The following TAPBPL variants were observed in gnomAD, a reference collection of about 807,000 sequenced individuals.
The protein encoded by TAPBPL is tapasin-related protein.
In TAPBPL, 32 loss-of-function variants were observed where a neutral mutation model predicts 44.8. The observed-to-expected ratio is 0.71, with a 90% CI of 0.54 to 0.96. The LOEUF is 0.96. TAPBPL is among the 40% of genes least tolerant of loss of function. The probability of loss-of-function intolerance (pLI) is 0.00; values close to 1 mark genes in which losing one functional copy is unlikely to be tolerated. For synonymous variants in TAPBPL, 230 were observed against 240.7 expected (o/e 0.96, Z 0.41); for missense variants, 520 against 586.6 (o/e 0.89, Z 1.17).
Position 6,458,762 on chromosome 12 carries a change from G to T in TAPBPL, c.1022G>T (p.Gly341Val). The T allele has an allele frequency of 6.2e-7, 1 of 1,614,130 alleles. No homozygotes were observed. The highest frequency in any genetic ancestry group is 1.1e-5 in the South Asian group (1 of 91,082). ...GTGACGTGGACCCGAGAGGAGCTGG[G>T]TGGATCCCCAGCCCAAGTCTCTGGT... Reference protein sequence around the residue: ...VVVTWTREELGGSPAQVSGAS... With the variant: ...VVVTWTREELVGSPAQVSGAS... Residue 341 changes from glycine (G) to valine (V), a missense_variant, in exon 5 of 7, where the codon GGT becomes GTT. Gly to Val is a moderately radical substitution (Grantham distance 109). Coordinates refer to ENST00000266556, the MANE Select transcript of TAPBPL (RefSeq NM_018009.5).
rs1565514265 is a variant in TAPBPL at position 6,453,284 on chromosome 12, C to G, written c.282C>G (p.Ile94Met). 13 of 1,613,800 alleles carry G rather than the reference C, an allele frequency of 8.1e-6. No individual in the cohort carries two copies. In the Middle Eastern group the frequency reaches 4.9e-4, roughly 61 times the overall value. Residue 94 changes from isoleucine (I) to methionine (M), a missense_variant, in exon 2 of 7, where the codon ATC becomes ATG. By Grantham distance (10) the Ile-to-Met change is conservative. Transcript: ENST00000266556. This position sits in a 1 kb window ranked among gnomAD's most constrained non-coding sequence, Gnocchi z 4.8. ...GTLAQDDPPI[I>M]FEASVDLVQI... ...TGGCCCAAGATGACCCACCTATTAT[C>G]TTTGAGGCCTCAGGTAAAAGCCTTC...
chr12:6,470,383 G>A (rs1041495328), downstream of TAPBPL: 129 of 1,217,164 alleles, frequency 1.1e-4, no homozygotes, highest in African/African-American at 1.2e-3. Context: ...CCTCCCTGGG[G>A]GTGGCCCGGT....
At chr12:6,460,815 T>C in intron 5 of TAPBPL, 40 bp from the exon 6 acceptor site, 1 of 1,605,504 alleles carries the variant, frequency 6.2e-7, no homozygotes, top group Non-Finnish European at 8.5e-7. Context: ...TCATGATTCC[T>C]GCGCACGATG....
In TAPBPL at chr12:6,452,322, G is replaced by C; in HGVS notation, c.64+10G>C. ...GGAGCAGCAGAAACCAGTGAGTCTG[G>C]GAGTCGGGGAGAGCTGGCTGGGAGA... On this transcript the variant is annotated intron_variant, in intron 1 of 6. Coordinates refer to ENST00000266556, the MANE Select transcript of TAPBPL (RefSeq NM_018009.5). The C allele has an allele frequency of 1.3e-6, 2 of 1,569,966 alleles. No homozygotes were observed. Among genetic ancestry groups the C allele is most frequent in the Non-Finnish European group, 1.7e-6 (2 of 1,157,482 alleles).
In TAPBPL at chr12:6,458,892, C is replaced by T; in HGVS notation, c.1152C>T (p.Val384=). ...GSAGATYTCQ[V]THISLEEPLG... ...CAGGTGCCACTTACACCTGCCAGGT[C>T]ACACACATCTCTCTGGAGGAGCCCC... Residue 384 remains valine, a synonymous_variant, in exon 5 of 7, where the codon GTC becomes GTT. Transcript: ENST00000266556. 6.2e-7 allele frequency: 1 copy of T among 1,614,192 alleles called. No individual in the cohort carries two copies. The highest frequency in any genetic ancestry group is 8.5e-7 in the Non-Finnish European group (1 of 1,180,044).
chr12:6,466,595 A>C, downstream of TAPBPL: 1 of 344,434 alleles, frequency 2.9e-6, no homozygotes, highest in South Asian at 4.1e-5. Flanking sequence ...AGGCTATACA[A>C]AACTAGAATG....
At chr12:6,463,076 C>G (rs1267661755), downstream of TAPBPL, 1 of 1,533,664 alleles carries the variant, frequency 6.5e-7, no homozygotes, top group Non-Finnish European at 8.7e-7. The surrounding 1 kb of genome is among the most constrained non-coding windows in gnomAD (Gnocchi z 4.0). Context: ...ACATTAATAG[C>G]CCATCCTGAA....
downstream of TAPBPL, chr12:6,464,263 G>A (rs1592145589): frequency 6.5e-7 from 1 of 1,530,444 alleles, no homozygotes; most frequent in Non-Finnish European, 8.8e-7. Context: ...TGCTCTTCGG[G>A]TAATGACTTA....
intron 4 of TAPBPL, 112 bp downstream of exon 4, chr12:6,457,856 C>A: frequency 8.3e-7 from 1 of 1,199,734 alleles, no homozygotes; most frequent in Non-Finnish European, 1.1e-6. Flanking sequence ...AGGCTTCAAT[C>A]CCACAACTTA....
At chr12:6,465,792 C>T, downstream of TAPBPL, 1 of 1,606,024 alleles carries the variant, frequency 6.2e-7, no homozygotes, top group Non-Finnish European at 8.5e-7. Flanking sequence ...TTCTTGCCTT[C>T]TACCAGTGGA....
chr12:6,467,274 C>G (rs1171740023), downstream of TAPBPL: 1 of 154,994 alleles, frequency 6.5e-6, no homozygotes, highest in Non-Finnish European at 1.4e-5. Context: ...GAGGATGGAA[C>G]AGTTTGGAGG....
downstream of TAPBPL, among the ~76,000 whole-genome samples, chr12:6,465,536 G>C (rs190364024): frequency 1.2e-4 from 18 of 151,242 alleles, no homozygotes; most frequent in East Asian, 3.1e-3. Flanking sequence ...GGGTGTGTCT[G>C]AGGATGAGAC....
downstream of TAPBPL, chr12:6,464,157 T>C: frequency 7.1e-7 from 1 of 1,417,554 alleles, no homozygotes; most frequent in Non-Finnish European, 9.3e-7. Flanking sequence ...CCTCAGCCAC[T>C]CCCCTCCCTG....
downstream of TAPBPL, chr12:6,470,460 C>A (rs1945744718): frequency 6.2e-7 from 1 of 1,609,694 alleles, no homozygotes; most frequent in African/African-American, 1.3e-5. Flanking sequence ...ATTTTCCGTC[C>A]CGCAGAATCG....
downstream of TAPBPL, chr12:6,464,260 C>A: frequency 2.1e-5 from 32 of 1,532,846 alleles, no homozygotes; most frequent in Non-Finnish European, 2.7e-5. Flanking sequence ...TGTTGCTCTT[C>A]GGGTAATGAC....
At chr12:6,466,403 C>G, downstream of TAPBPL, 1 of 1,577,630 alleles carries the variant, frequency 6.3e-7, no homozygotes, top group Non-Finnish European at 8.6e-7. Context: ...AAGAAAGGAG[C>G]TGGGCGTGGT....
At chr12:6,465,865 TC>T (rs1194864192), downstream of TAPBPL, 2 of 1,614,184 alleles carry the variant, frequency 1.2e-6, no homozygotes. Flanking sequence ...CACCAATACT[TC>T]CTCTTTAGCT....
intron 4 of TAPBPL, among the ~76,000 whole-genome samples, chr12:6,458,337 C>T (rs1300599310): frequency 6.6e-6 from 1 of 151,454 alleles, no homozygotes; most frequent in Non-Finnish European, 1.5e-5. Context: ...GATCATGCCA[C>T]TGCACTCCAG....
chr12:6,471,983 A>G, the TAPBPL span, among the ~76,000 whole-genome samples: 8 of 152,396 alleles, frequency 5.2e-5, no homozygotes, highest in Admixed American at 5.2e-4. The surrounding 1 kb of genome is among the most constrained non-coding windows in gnomAD (Gnocchi z 4.0). Context: ...ATAGAAAACA[A>G]TAACATGGTA....
Sources: gnomAD v4.1 joint callset for allele counts (sites outside exome capture counted in the v4.1 genomes callset) on GRCh38, gnomAD v4.1.1 for gene constraint, Gnocchi (gnomAD v3.1) non-coding constraint, MANE v1.5 for transcripts, NCBI Gene and HGNC (gene_info 2026-07-23, HGNC 2026-07-21) for gene names.